The following NSD2 variants were observed in gnomAD, a reference collection of about 807,000 sequenced individuals.
NSD2 encodes the protein histone-lysine N-methyltransferase NSD2.
Under a neutral mutation model 139.0 loss-of-function variants are expected in NSD2, and 12 were observed. The ratio of observed to expected loss-of-function variants is 0.09; its 90% confidence interval spans 0.06 to 0.14. NSD2 has a LOEUF of 0.14. Among genes scored for constraint, NSD2 ranks in the 10% least tolerant of loss-of-function variants. The pLI, the probability that NSD2 is intolerant of heterozygous loss-of-function variation, is 1.00. For missense variants in NSD2, 1,155 were observed against 1,745.0 expected, an observed-to-expected ratio of 0.66 and a Z score of 6.02; for synonymous variants, 669 against 648.7, an observed-to-expected ratio of 1.03 and a Z score of -0.48.
Position 1,918,427 on chromosome 4 carries a change from T to C in NSD2, c.1214T>C (p.Leu405Pro). 6.2e-7 allele frequency: 1 copy of C among 1,614,074 alleles called. No individual in the cohort carries two copies. ...ATGAAGAGAAGGCGGAGGGCCAAAC[T>C]GTGTAGCTCTGCAGAGACCCTGGAG... Reference protein sequence around the residue: ...IPMKRRRRAKLCSSAETLESH... With the variant: ...IPMKRRRRAKPCSSAETLESH... Residue 405 changes from leucine (L) to proline (P), a missense_variant, in exon 5 of 22, where the codon CTG (leucine) becomes CCG (proline). By Grantham distance (98) the Leu-to-Pro change is moderately conservative (BLOSUM62 -3). Transcript: ENST00000508803.
chr4:1,978,517 C>G, intron 21 of NSD2, 121 bp from the exon 22 acceptor site: 1 of 1,406,888 alleles, frequency 7.1e-7, no homozygotes, highest in Non-Finnish European at 9.6e-7. Flanking sequence ...GTCCTGTTCG[C>G]TGGAGCCAGC....
intron 1 of NSD2, among the ~76,000 whole-genome samples, chr4:1,875,048 C>A (rs1469843082): frequency 1.3e-5 from 2 of 152,126 alleles, no homozygotes; most frequent in Non-Finnish European, 1.5e-5. Context: ...TGTAACCTGG[C>A]ACTCCTGGGC....
At chr4:1,946,410 A>G in intron 9 of NSD2, 1 of 430,400 alleles carries the variant, frequency 2.3e-6, no homozygotes, top group Non-Finnish European at 3.2e-6. Flanking sequence ...TGGGACTACA[A>G]GCGGCTGCCA....
chr4:1,941,734 T>C (rs1003905774), intron 9 of NSD2: 18 of 1,047,680 alleles, frequency 1.7e-5, no homozygotes, highest in Non-Finnish European at 2.1e-5. Context: ...AAACTACTTT[T>C]GTATGGCTTA....
intron 18 of NSD2, among the ~76,000 whole-genome samples, chr4:1,966,656 CAA>C (rs568684570): frequency 2.9e-4 from 18 of 63,120 alleles, no homozygotes; most frequent in Non-Finnish European, 2.6e-4. Flanking sequence ...GACTCTGTCT[CAA>C]AAAAAAAAAA....
In NSD2 at chr4:1,955,274, A is replaced by G. The variant is rs779189829; in HGVS notation, c.2452A>G (p.Thr818Ala). Residue 818 changes from threonine (T) to alanine (A), a missense_variant, in exon 13 of 22, where the codon ACT becomes GCT. Around this residue, in one of 8 missense-constraint regions of NSD2, gnomAD observed 120 missense variants for 239.3 expected, o/e 0.50. Transcript: ENST00000508803. This position sits in a 1 kb window ranked among gnomAD's most constrained non-coding sequence, Gnocchi z 4.7. ...SNSIICTAHFTARKGKRHHAH... is the reference protein window; with the variant it reads ...SNSIICTAHFAARKGKRHHAH... ...CAGCATCATCTGCACTGCCCACTTC[A>G]CTGCTCGGAAGGGGAAGCGACACCA... The G allele has an allele frequency of 1.2e-6, 2 of 1,614,032 alleles. No homozygotes were observed. The highest frequency in any genetic ancestry group is 2.2e-5 in the South Asian group (2 of 91,076).
rs780274468 is a variant in NSD2 at position 1,957,960 on chromosome 4, G to A, written c.2909G>A (p.Arg970His). The A allele has an allele frequency of 8.1e-6, 13 of 1,613,992 alleles. No individual in the cohort carries two copies. The highest frequency in any genetic ancestry group is 2.7e-5 in the African/African-American group (2 of 74,918). Residue 970 changes from arginine (R) to histidine (H), a missense_variant, in exon 16 of 22, where the codon CGT becomes CAT. Around this residue, in one of 8 missense-constraint regions of NSD2, gnomAD observed 139 missense variants for 485.8 expected, o/e 0.29. Transcript: ENST00000508803. ...NALQEAEARFREIKLQREARE... is the reference protein window; with the variant it reads ...NALQEAEARFHEIKLQREARE... Reference sequence around the variant, plus strand: ...CTGCAAGAAGCTGAAGCTCGTTTTCGTGAAATTAAGCTTCAGAGGGAAGCC... The same window carrying A: ...CTGCAAGAAGCTGAAGCTCGTTTTCATGAAATTAAGCTTCAGAGGGAAGCC...
At position 1,975,376 on chromosome 4, in the gene NSD2, T is replaced by C. The variant is rs1342848147; in HGVS notation, c.3597T>C (p.Ser1199=). The change falls in exon 20 of 22, where the codon AGT becomes AGC. Residue 1199 remains serine, a synonymous_variant. Transcript: ENST00000508803. The part of the protein sequence containing the change: ...TVCRCGASNC[S]GFLGDRPKTS... The stretch of plus-strand genomic sequence containing the variant: ...GCCGGTGTGGAGCCTCCAATTGCAG[T>C]GGATTCCTCGGGGATAGACCAAAGG... The C allele has an allele frequency of 1.9e-6, 3 of 1,614,118 alleles. No homozygotes were observed. Among genetic ancestry groups the C allele is most frequent in the East Asian group, 4.5e-5 (2 of 44,878 alleles).
intron 21 of NSD2, among the ~76,000 whole-genome samples, chr4:1,978,260 A>G (rs1264650765): frequency 6.6e-6 from 1 of 152,224 alleles, no homozygotes; most frequent in African/African-American, 2.4e-5. Flanking sequence ...GAGTCATGCC[A>G]GAAAGATGAA....
rs750699195 is a variant in NSD2, at chr4:1,930,660, A to G, written c.1445A>G (p.Glu482Gly). Residue 482 changes from glutamate (E) to glycine (G), a missense_variant, in exon 6 of 22, where the codon GAG becomes GGG. Physicochemically the swap from Glu to Gly is moderately conservative, Grantham distance 98. This residue lies in a region of NSD2 where 420 missense variants were observed against 469.0 expected (regional missense o/e 0.90). Coordinates refer to ENST00000508803, the MANE Select transcript of NSD2 (RefSeq NM_001042424.3). ...GAGCACCCAGATGCTTCAGGTGAGG[A>G]GATTGAAGAGCTGCTCAGGTCACAG... ...VAEHPDASGEEIEELLRSQWS... is the reference protein window; with the variant it reads ...VAEHPDASGEGIEELLRSQWS... The G allele has an allele frequency of 6.2e-7, 1 of 1,613,354 alleles. No individual in the cohort carries two copies. Among genetic ancestry groups the G allele is most frequent in the Non-Finnish European group, 8.5e-7 (1 of 1,179,598 alleles).
chr4:1,940,076 T>G (rs545761196), intron 9 of NSD2: 185 of 1,272,278 alleles, frequency 1.5e-4, no homozygotes, highest in Non-Finnish European at 1.7e-4. Flanking sequence ...AATGTTGTGT[T>G]CTGTGTAGCC....
intron 1 of NSD2, among the ~76,000 whole-genome samples, chr4:1,895,694 C>G (rs1716180272): frequency 6.6e-6 from 1 of 152,236 alleles, no homozygotes; most frequent in Non-Finnish European, 1.5e-5. Flanking sequence ...CTCTCAGTGG[C>G]TCTCCCGGGG....
At chr4:1,977,790 CAA>C (rs111398358) in intron 21 of NSD2, among the ~76,000 whole-genome samples, 24 of 96,066 alleles carry the variant, frequency 2.5e-4, no homozygotes, top group South Asian at 2.3e-3. Flanking sequence ...AGACTCCACT[CAA>C]AAAAAAAAAA....
chr4:1,944,971 C>T (rs920471814), intron 9 of NSD2: 18 of 1,063,688 alleles, frequency 1.7e-5, no homozygotes, highest in East Asian at 1.0e-4. Flanking sequence ...GAAACTTAAG[C>T]GAGGTTTCAT....
chr4:1,880,320 G>T (rs565105102), intron 1 of NSD2, among the ~76,000 whole-genome samples: 38 of 152,186 alleles, frequency 2.5e-4, no homozygotes, highest in African/African-American at 8.2e-4. Context: ...CTCCTGCAGG[G>T]CCTGACCTCT....
chr4:1,941,058 G>T (rs1400169806), intron 9 of NSD2: 3 of 1,056,220 alleles, frequency 2.8e-6, no homozygotes, highest in Non-Finnish European at 3.4e-6. Flanking sequence ...TGGAGAAAAG[G>T]CAGTAAGAAT....
chr4:1,940,766 C>T, intron 9 of NSD2: 1 of 1,060,268 alleles, frequency 9.4e-7, no homozygotes, highest in Non-Finnish European at 1.1e-6. Context: ...CTGCCATGGT[C>T]CCCAGGAAGG....
intron 3 of NSD2, among the ~76,000 whole-genome samples, chr4:1,906,963 ATC>A (rs1201053673): frequency 1.3e-5 from 2 of 152,016 alleles, no homozygotes; most frequent in East Asian, 1.9e-4. Flanking sequence ...GCCCGGCCTC[ATC>A]TCTCTTTCTT....
chr4:1,925,070 G>A lies in NSD2; in HGVS notation c.1411-5556G>A, dbSNP rs116151365. Among the ~76,000 whole-genome samples, 1,350 of 152,254 alleles carry A rather than the reference G, an allele frequency of 8.9e-3. 7 individuals are homozygous for A. Among genetic ancestry groups the A allele is most frequent in the Non-Finnish European group, 0.011 (779 of 68,022 alleles). ...TGGTTTTGAAGAATTTTCTGTTATCGGAAAAGCAATGACTATTAGGATGCT... is the reference window on the plus strand; with the variant it reads ...TGGTTTTGAAGAATTTTCTGTTATCAGAAAAGCAATGACTATTAGGATGCT... On this transcript the variant is annotated intron_variant, in intron 5 of 21. Coordinates refer to ENST00000508803, the MANE Select transcript of NSD2 (RefSeq NM_001042424.3).
Sources: gnomAD v4.1 joint callset for allele counts (sites outside exome capture counted in the v4.1 genomes callset) on GRCh38, gnomAD v4.1.1 for gene constraint, gnomAD v4.1.1 regional missense constraint, Gnocchi (gnomAD v3.1) non-coding constraint, MANE v1.5 for transcripts, NCBI Gene and HGNC (gene_info 2026-07-23, HGNC 2026-07-21) for gene names.